Variants in CHN2 observed in about 807,000 individuals in gnomAD.
CHN2 encodes the protein chimerin 2, also known as beta-chimaerin.
A neutral mutation model predicts 56.3 loss-of-function variants in CHN2; 35 were observed. The ratio of observed to expected loss-of-function variants is 0.62; its 90% CI spans 0.47 to 0.82. The LOEUF (loss-of-function observed/expected upper bound fraction) is 0.82. Among genes scored for constraint, CHN2 ranks in the 40% least tolerant of loss-of-function variants. The pLI is 0.00. For synonymous variants in CHN2, 210 were observed against 212.8 expected (o/e 0.99, Z 0.12); for missense variants, 491 against 580.5 (o/e 0.85, Z 1.58).
intron 6 of CHN2, among the ~76,000 whole-genome samples, chr7:29,427,858 T>C (rs1325936405): frequency 6.6e-6 from 1 of 152,066 alleles, no homozygotes; most frequent in African/African-American, 2.4e-5. Context: ...GGTTTCACCG[T>C]GTTGGCCAGG....
intron 1 of CHN2, among the ~76,000 whole-genome samples, chr7:29,228,159 T>TATAC (rs925287888): frequency 2.0e-4 from 29 of 147,148 alleles, no homozygotes; most frequent in African/African-American, 7.3e-4. Flanking sequence ...TATATATATA[T>TATAC]ACACACACAC....
At chr7:29,231,242 C>A (rs1235641079) in intron 1 of CHN2, among the ~76,000 whole-genome samples, 1 of 152,120 alleles carries the variant, frequency 6.6e-6, no homozygotes, top group East Asian at 1.9e-4. Flanking sequence ...GGTACTTGGT[C>A]CACTGTTTAA....
At chr7:29,406,416 G>A (rs573422873) in intron 6 of CHN2, among the ~76,000 whole-genome samples, 1 of 152,250 alleles carries the variant, frequency 6.6e-6, no homozygotes, top group South Asian at 2.1e-4. Context: ...AGGGGTACCT[G>A]TGAGCTGTTA....
intron 6 of CHN2, among the ~76,000 whole-genome samples, chr7:29,429,429 CTTTT>C (rs1363574491): frequency 6.6e-6 from 1 of 152,182 alleles, no homozygotes; most frequent in African/African-American, 2.4e-5. Flanking sequence ...TTTAGAGACT[CTTTT>C]GTTTGTTTTG....
chr7:29,283,743 C>T (rs1179758520), intron 1 of CHN2, among the ~76,000 whole-genome samples: 1 of 151,890 alleles, frequency 6.6e-6, no homozygotes. Context: ...CTCAGCCTCC[C>T]GAGTAGCTGA....
At chr7:29,266,824 AG>A (rs530431793) in intron 1 of CHN2, among the ~76,000 whole-genome samples, 294 of 152,298 alleles carry the variant, frequency 1.9e-3, no homozygotes, top group African/African-American at 6.7e-3. Flanking sequence ...TATCCAAACT[AG>A]GTCCAGACCT....
At chr7:29,398,529 G>A (rs1319812957) in intron 5 of CHN2, 43 bp downstream of exon 5, 1 of 1,245,354 alleles carries the variant, frequency 8.0e-7, no homozygotes, top group Non-Finnish European at 1.2e-6. Flanking sequence ...TGTACAAGTG[G>A]CTTCACTGAT....
intron 1 of CHN2, among the ~76,000 whole-genome samples, chr7:29,265,440 G>A (rs1338407455): frequency 6.6e-6 from 1 of 152,206 alleles, no homozygotes; most frequent in African/African-American, 2.4e-5. Context: ...TTTTGAGTTT[G>A]ACTTCTGCCT....
chr7:29,331,471 G>A (rs1357892466), intron 1 of CHN2, among the ~76,000 whole-genome samples: 1 of 152,192 alleles, frequency 6.6e-6, no homozygotes, highest in African/African-American at 2.4e-5. Context: ...CAGCACTGGA[G>A]CAAGGAGAGA....
intron 1 of CHN2, among the ~76,000 whole-genome samples, chr7:29,241,454 G>A (rs1456066583): frequency 6.6e-6 from 1 of 152,030 alleles, no homozygotes; most frequent in Non-Finnish European, 1.5e-5. Flanking sequence ...TTCCACCCCA[G>A]TGTGCATTCC....
chr7:29,229,746 G>C (rs910857432), intron 1 of CHN2, among the ~76,000 whole-genome samples: 17 of 152,170 alleles, frequency 1.1e-4, no homozygotes, highest in African/African-American at 3.9e-4. Flanking sequence ...TCTTCTAGAG[G>C]GCGGGAAGAT....
At chr7:29,198,567 A>G (rs1262204416) in intron 1 of CHN2, among the ~76,000 whole-genome samples, 1 of 152,232 alleles carries the variant, frequency 6.6e-6, no homozygotes, top group African/African-American at 2.4e-5. Flanking sequence ...TAAATTTCAC[A>G]ATCACCTAGA....
chr7:29,494,943 C>T (rs1348307955), intron 7 of CHN2, among the ~76,000 whole-genome samples: 5 of 18,464 alleles, frequency 2.7e-4, no homozygotes, highest in African/African-American at 9.5e-4. Flanking sequence ...TAAATAAAAG[C>T]AGTTTGTAAA....
intron 6 of CHN2, chr7:29,479,942 C>G: frequency 6.9e-7 from 1 of 1,444,146 alleles, no homozygotes; most frequent in Non-Finnish European, 9.0e-7. Context: ...GCCGGGCCCC[C>G]TCCATCACTC....
intron 1 of CHN2, among the ~76,000 whole-genome samples, chr7:29,300,760 C>G (rs1481714146): frequency 2.6e-5 from 4 of 152,146 alleles, no homozygotes; most frequent in South Asian, 2.1e-4. Context: ...CCAAAAGCCC[C>G]TTTTTTCAGG....
chr7:29,383,101 T>C (rs1800645920), intron 3 of CHN2, among the ~76,000 whole-genome samples: 1 of 152,220 alleles, frequency 6.6e-6, no homozygotes, highest in African/African-American at 2.4e-5. Context: ...TGTTTTAGAC[T>C]CTAGAGATAT....
chr7:29,211,068 TTTG>T (rs1554363856), intron 1 of CHN2, among the ~76,000 whole-genome samples: 6 of 147,526 alleles, frequency 4.1e-5, no homozygotes, highest in East Asian at 4.1e-4. Context: ...TGTTTTTTTT[TTTG>T]TTGTTGTTGT....
chr7:29,215,994 C>G (rs1339619400), intron 1 of CHN2, among the ~76,000 whole-genome samples: 1 of 152,042 alleles, frequency 6.6e-6, no homozygotes, highest in Non-Finnish European at 1.5e-5. Context: ...TGTAACTACG[C>G]CTAAGTAATT....
rs189889176 is a variant in CHN2 at position 29,453,934 on chromosome 7, A to G, written c.577-26345A>G. Among the ~76,000 whole-genome samples the G allele has an allele frequency of 5.4e-3, 825 of 152,192 alleles. 4 individuals are homozygous for G. Among genetic ancestry groups the G allele is most frequent in the African/African-American group, 0.019 (772 of 41,534 alleles). ...AAATGCTGCCCTTACTCATCCTTTC[A>G]TCCTGACTTGTAGTCTCCCACCTTC... On this transcript the variant is annotated intron_variant, in intron 6 of 12. Coordinates refer to ENST00000222792, the MANE Select transcript of CHN2 (RefSeq NM_004067.4).
Sources: gnomAD v4.1 joint callset for allele counts (sites outside exome capture counted in the v4.1 genomes callset) on GRCh38, gnomAD v4.1.1 for gene constraint, MANE v1.5 for transcripts, NCBI Gene and HGNC (gene_info 2026-07-23, HGNC 2026-07-21) for gene names.